Variants in FAM133B observed in about 807,000 individuals in gnomAD.
FAM133B encodes the protein protein FAM133B.
Under a neutral mutation model 46.4 loss-of-function variants are expected in FAM133B, and 25 were observed. The ratio of observed to expected loss-of-function variants is 0.54; its 90% confidence interval spans 0.39 to 0.75. FAM133B has a LOEUF of 0.75. Among genes scored for constraint, FAM133B ranks in the 30% least tolerant of loss-of-function variants. The pLI, the probability that FAM133B is intolerant of heterozygous loss-of-function variation, is 0.00. For missense variants in FAM133B, 205 were observed against 277.6 expected, an observed-to-expected ratio of 0.74 and a Z score of 1.86; for synonymous variants, 75 against 86.0, an observed-to-expected ratio of 0.87 and a Z score of 0.71.
chr7:92,575,107 C>T (rs1236439251), intron 8 of FAM133B, among the ~76,000 whole-genome samples: 1 of 151,930 alleles, frequency 6.6e-6, no homozygotes, highest in Non-Finnish European at 1.5e-5. Context: ...CATTTATTTA[C>T]AATAGTAAGA....
chr7:92,577,056 A>T, intron 7 of FAM133B, 47 bp downstream of exon 7: 1 of 1,212,464 alleles, frequency 8.2e-7, no homozygotes, highest in South Asian at 1.9e-5. Flanking sequence ...AGAAAAACTT[A>T]ATTAAATGTC....
intron 7 of FAM133B, 178 bp from the exon 8 acceptor site, chr7:92,575,999 A>G (rs1471827443): frequency 5.6e-6 from 2 of 357,286 alleles, no homozygotes; most frequent in South Asian, 6.4e-5. Flanking sequence ...GCTTGTAAGC[A>G]AACAGGCTTC....
chr7:92,587,338 C>T (rs137888293), intron 1 of FAM133B, among the ~76,000 whole-genome samples: 1 of 152,186 alleles, frequency 6.6e-6, no homozygotes, highest in South Asian at 2.1e-4. Context: ...AGTGTTATGG[C>T]AAAACTATGG....
intron 1 of FAM133B, among the ~76,000 whole-genome samples, chr7:92,587,975 TA>T (rs904578130): frequency 4.6e-4 from 68 of 148,292 alleles, no homozygotes; most frequent in African/African-American, 9.1e-4. Context: ...TAAAAATGCT[TA>T]AAAAAAAAAG....
intron 5 of FAM133B, 42 bp from the exon 6 acceptor site, chr7:92,577,759 A>T: frequency 6.7e-7 from 1 of 1,497,676 alleles, no homozygotes; most frequent in Non-Finnish European, 9.0e-7. Flanking sequence ...GAGATGCGAG[A>T]ATGTTTTTCT....
intron 10 of FAM133B, among the ~76,000 whole-genome samples, chr7:92,562,713 G>A (rs1794197487): frequency 6.6e-6 from 1 of 152,132 alleles, no homozygotes; most frequent in Non-Finnish European, 1.5e-5. Context: ...TTACTGGAAT[G>A]GAGTAACCAA....
chr7:92,588,062 G>C (rs1016585723), intron 1 of FAM133B, among the ~76,000 whole-genome samples: 1 of 152,146 alleles, frequency 6.6e-6, no homozygotes, highest in Non-Finnish European at 1.5e-5. Flanking sequence ...CCAGTTTAAA[G>C]TCTTACCCCT....
At chr7:92,571,995 T>C (rs1221296544) in intron 8 of FAM133B, among the ~76,000 whole-genome samples, 2 of 152,196 alleles carry the variant, frequency 1.3e-5, no homozygotes, top group African/African-American at 4.8e-5. Flanking sequence ...TATTTTCTAA[T>C]TGAGTATTTT....
intron 5 of FAM133B, 184 bp from the exon 6 acceptor site, chr7:92,577,901 A>G (rs961592021): frequency 1.1e-5 from 7 of 652,818 alleles, no homozygotes; most frequent in African/African-American, 5.5e-5. Flanking sequence ...ACAAGTTAAC[A>G]TATGTGGCCA....
intron 8 of FAM133B, among the ~76,000 whole-genome samples, chr7:92,571,144 C>T (rs529389578): frequency 1.3e-5 from 2 of 152,158 alleles, no homozygotes; most frequent in African/African-American, 4.8e-5. Flanking sequence ...TCTTTAATAA[C>T]GATGACTAAA....
At chr7:92,581,803 T>A in intron 1 of FAM133B, 200 bp from the exon 2 acceptor site, 1 of 310,944 alleles carries the variant, frequency 3.2e-6, no homozygotes, top group South Asian at 3.5e-5. Context: ...ATTGTGTGTG[T>A]GTGTGTGTGT....
intron 1 of FAM133B, chr7:92,585,404 C>G: frequency 1.0e-6 from 1 of 970,172 alleles, no homozygotes. Context: ...TACCTAATGG[C>G]AAAATATTTC....
At chr7:92,565,001 A>G (rs1794294724) in intron 10 of FAM133B, among the ~76,000 whole-genome samples, 1 of 152,100 alleles carries the variant, frequency 6.6e-6, no homozygotes, top group African/African-American at 2.4e-5. Flanking sequence ...CATTGCAGCT[A>G]GTGCTTGGAG....
chr7:92,580,982 G>C (rs960192343), intron 2 of FAM133B, among the ~76,000 whole-genome samples: 5 of 152,184 alleles, frequency 3.3e-5, no homozygotes, highest in African/African-American at 9.7e-5. Context: ...TTGGGATTCT[G>C]AAGTTAACAG....
At position 92,577,053 on chromosome 7, in the gene FAM133B, C is replaced by T. The variant is rs1310841703; in HGVS notation, c.465+50G>A. ...TTGAGAGCAACTTTAGGCAGAAAAA[C>T]TTAATTAAATGTCTTTGTATCCAAT... On this transcript the variant is annotated intron_variant, in intron 7 of 10. Transcript: ENST00000445716. 4.2e-6 allele frequency: 5 copies of T among 1,192,250 alleles called. No homozygotes were observed. In the East Asian group the frequency reaches 1.4e-4, roughly 34 times the overall value. 73.9% of individuals were successfully genotyped at this position (1,192,250 alleles called of 1,614,324 possible).
At chr7:92,566,647 A>C (rs892954163) in intron 9 of FAM133B, among the ~76,000 whole-genome samples, 2 of 152,118 alleles carry the variant, frequency 1.3e-5, no homozygotes, top group African/African-American at 4.8e-5. Context: ...GTCTCAAAAC[A>C]GGCAAACAAA....
intron 8 of FAM133B, among the ~76,000 whole-genome samples, chr7:92,574,060 T>G (rs1351277684): frequency 2.0e-5 from 3 of 152,202 alleles, no homozygotes; most frequent in African/African-American, 7.2e-5. Flanking sequence ...CAAATTGTTA[T>G]GTAAACCACT....
At chr7:92,575,057 C>T (rs1425480288) in intron 8 of FAM133B, among the ~76,000 whole-genome samples, 2 of 152,034 alleles carry the variant, frequency 1.3e-5, no homozygotes. Flanking sequence ...GGCATAAATT[C>T]TGCTTTAACT....
At chr7:92,586,697 G>C (rs896161548) in intron 1 of FAM133B, among the ~76,000 whole-genome samples, 1 of 152,096 alleles carries the variant, frequency 6.6e-6, no homozygotes, top group Non-Finnish European at 1.5e-5. Flanking sequence ...GATATGTATG[G>C]GGGCAGGTAC....
Sources: gnomAD v4.1 joint callset for allele counts (sites outside exome capture counted in the v4.1 genomes callset) on GRCh38, gnomAD v4.1.1 for gene constraint, MANE v1.5 for transcripts, NCBI Gene and HGNC (gene_info 2026-07-23, HGNC 2026-07-21) for gene names.